UNC5C: variants seen among roughly 807,000 people sequenced by gnomAD.
UNC5C encodes the protein netrin receptor UNC5C.
In UNC5C, 47 loss-of-function variants were observed where a neutral mutation model predicts 99.8. The ratio of observed to expected loss-of-function variants is 0.47; its 90% CI spans 0.37 to 0.60. The LOEUF is 0.60. Among genes scored for constraint, UNC5C ranks in the 20% least tolerant of loss-of-function variants. The probability of loss-of-function intolerance (pLI) is 0.00; values close to 1 mark genes in which losing one functional copy is unlikely to be tolerated. For synonymous variants in UNC5C, 487 were observed against 452.2 expected, an observed-to-expected ratio of 1.08 and a Z score of -0.98; for missense variants, 1,062 against 1,165.9, an observed-to-expected ratio of 0.91 and a Z score of 1.30.
chr4:95,392,818 AATAAG>A (rs200632831), intron 1 of UNC5C, among the ~76,000 whole-genome samples: 2,221 of 152,312 alleles, frequency 0.015, 22 homozygotes, highest in Middle Eastern at 0.031. Flanking sequence ...TAAGAAAGAA[AATAAG>A]ATAATTTTAA....
At chr4:95,350,157 G>A (rs1305559139) in intron 1 of UNC5C, among the ~76,000 whole-genome samples, 1 of 152,028 alleles carries the variant, frequency 6.6e-6, no homozygotes, top group African/African-American at 2.4e-5. Flanking sequence ...TATCAGAAAC[G>A]TTTGCTAATA....
chr4:95,290,382 G>A (rs898603133), intron 3 of UNC5C, among the ~76,000 whole-genome samples: 11 of 149,798 alleles, frequency 7.3e-5, no homozygotes, highest in African/African-American at 2.7e-4. Flanking sequence ...CTCAAATATT[G>A]TAAACAATAA....
chr4:95,415,280 C>G (rs1019917043), intron 1 of UNC5C, among the ~76,000 whole-genome samples: 1 of 152,090 alleles, frequency 6.6e-6, no homozygotes, highest in Non-Finnish European at 1.5e-5. Flanking sequence ...TCACAGCTTT[C>G]TACTTCAAAG....
Position 95,458,835 on chromosome 4 carries a change from G to T in UNC5C, c.124+89899C>A, listed in dbSNP as rs556939235. Among the ~76,000 whole-genome samples, 33 of 151,926 alleles carry T rather than the reference G, an allele frequency of 2.2e-4. No homozygotes were observed. The South Asian group carries it at 4.6e-3, about 21-fold the overall frequency. On this transcript the variant is annotated intron_variant, in intron 1 of 15. Coordinates refer to ENST00000453304, the MANE Select transcript of UNC5C (RefSeq NM_003728.4). ...TATTACTATTATTTAATAGAATATT[G>T]AACTTCATAGTAATCCCATATTTTA... is the stretch of plus-strand genomic sequence containing the variant.
intron 4 of UNC5C, among the ~76,000 whole-genome samples, chr4:95,261,071 C>T (rs1219615670): frequency 6.6e-6 from 1 of 152,102 alleles, no homozygotes; most frequent in Non-Finnish European, 1.5e-5. Flanking sequence ...GTCCATAAAA[C>T]CAAGAACCAG....
chr4:95,262,263 G>A (rs1298277116), intron 4 of UNC5C, among the ~76,000 whole-genome samples: 1 of 152,162 alleles, frequency 6.6e-6, no homozygotes, highest in Non-Finnish European at 1.5e-5. Context: ...GGCCTAATAT[G>A]TCAAATGATG....
intron 7 of UNC5C, among the ~76,000 whole-genome samples, chr4:95,224,884 C>T (rs1560741157): frequency 1.3e-5 from 2 of 150,276 alleles, no homozygotes; most frequent in South Asian, 2.1e-4. Flanking sequence ...GAAATTTGAC[C>T]TGGAGCTTGA....
At chr4:95,237,802 TG>T (rs1202706316) in intron 7 of UNC5C, among the ~76,000 whole-genome samples, 3 of 152,258 alleles carry the variant, frequency 2.0e-5, no homozygotes, top group African/African-American at 7.2e-5. Context: ...AATCCTGCTT[TG>T]GGAAGCCGAC....
At chr4:95,242,239 A>G (rs1441254816) in intron 7 of UNC5C, among the ~76,000 whole-genome samples, 190 bp downstream of exon 7, 1 of 152,212 alleles carries the variant, frequency 6.6e-6, no homozygotes, top group East Asian at 1.9e-4. Flanking sequence ...TTAGCCGGAC[A>G]TAGTTACTTT....
intron 1 of UNC5C, among the ~76,000 whole-genome samples, chr4:95,376,762 T>A (rs1222207532): frequency 2.0e-5 from 3 of 152,248 alleles, no homozygotes; most frequent in Non-Finnish European, 4.4e-5. Context: ...CCACTATTGT[T>A]GTGTATAATG....
At chr4:95,350,855 T>C (rs1743963712) in intron 1 of UNC5C, among the ~76,000 whole-genome samples, 1 of 152,130 alleles carries the variant, frequency 6.6e-6, no homozygotes, top group Admixed American at 6.6e-5. Context: ...CTTAGGTGTT[T>C]CTGTGAAGGT....
intron 1 of UNC5C, among the ~76,000 whole-genome samples, chr4:95,356,201 A>AAAAC (rs1744184076): frequency 2.3e-5 from 3 of 132,740 alleles, no homozygotes; most frequent in Non-Finnish European, 3.3e-5. Context: ...AGCAAAAAAA[A>AAAAC]AAAAAAAAAA....
chr4:95,541,014 A>G (rs2149496021), intron 1 of UNC5C, among the ~76,000 whole-genome samples: 1 of 152,332 alleles, frequency 6.6e-6, no homozygotes, highest in East Asian at 1.9e-4. Context: ...GAAATTCCAA[A>G]AAGATATTAG....
At chr4:95,481,647 G>A (rs1010453467) in intron 1 of UNC5C, among the ~76,000 whole-genome samples, 1 of 152,082 alleles carries the variant, frequency 6.6e-6, no homozygotes, top group African/African-American at 2.4e-5. Flanking sequence ...CATGGTACTG[G>A]TACCAAAACA....
chr4:95,533,937 C>T (rs1009970730), intron 1 of UNC5C, among the ~76,000 whole-genome samples: 4 of 152,120 alleles, frequency 2.6e-5, no homozygotes, highest in African/African-American at 7.2e-5. Context: ...CATAAAACCC[C>T]ACATAAGCAG....
chr4:95,285,690 T>C (rs1403249017), intron 3 of UNC5C, among the ~76,000 whole-genome samples: 1 of 152,222 alleles, frequency 6.6e-6, no homozygotes, highest in Non-Finnish European at 1.5e-5. Flanking sequence ...TTACAACATC[T>C]ATTCAGTGGA....
chr4:95,250,370 G>T, intron 5 of UNC5C, 117 bp downstream of exon 5: 2 of 1,133,010 alleles, frequency 1.8e-6, no homozygotes, highest in East Asian at 2.5e-5. Flanking sequence ...GGGTGACAGA[G>T]CAAGACCCTG....
chr4:95,174,251 C>T (rs1015395756), intron 14 of UNC5C, among the ~76,000 whole-genome samples: 1 of 151,808 alleles, frequency 6.6e-6, no homozygotes, highest in Non-Finnish European at 1.5e-5. Context: ...TTCAGTTCTG[C>T]TCTGATTTTA....
chr4:95,372,351 T>C (rs1003433445), intron 1 of UNC5C, among the ~76,000 whole-genome samples: 2 of 152,194 alleles, frequency 1.3e-5, no homozygotes, highest in African/African-American at 4.8e-5. Context: ...ACAGCTGCTT[T>C]CTAAGTGTTT....
Sources: allele counts gnomAD v4.1 joint callset (sites outside exome capture counted in the v4.1 genomes callset), GRCh38; gene constraint gnomAD v4.1.1; transcripts MANE v1.5; gene names NCBI Gene and HGNC (gene_info 2026-07-23, HGNC 2026-07-21).